The following STARD13 variants were observed in gnomAD, a reference collection of about 807,000 sequenced individuals.
STARD13 encodes the protein StAR related lipid transfer domain containing 13.
Under a neutral mutation model 106.4 loss-of-function variants are expected in STARD13, and 62 were observed. That is an observed-to-expected ratio of 0.58 (90% CI 0.48 to 0.72). The LOEUF is 0.72. Ranked by LOEUF, STARD13 falls within the 30% of genes least tolerant of loss-of-function variation. The pLI, the probability that STARD13 is intolerant of heterozygous loss-of-function variation, is 0.00. For missense variants in STARD13, 1,387 were observed against 1,424.0 expected (o/e 0.97, Z 0.42); for synonymous variants, 565 against 553.0 (o/e 1.02, Z -0.31).
At chr13:33,450,044 T>A in the STARD13 span, among the ~76,000 whole-genome samples, 1 of 152,160 alleles carries the variant, frequency 6.6e-6, no homozygotes, top group Non-Finnish European at 1.5e-5. Context: ...GACAGCTTGA[T>A]TTCTACTCTT....
At chr13:33,221,798 A>T (rs1888371038) in intron 1 of STARD13, among the ~76,000 whole-genome samples, 1 of 152,238 alleles carries the variant, frequency 6.6e-6, no homozygotes, top group African/African-American at 2.4e-5. Flanking sequence ...TACCCATCAG[A>T]TGAATGGATA....
chr13:33,110,365 C>G (rs1410444415), intron 11 of STARD13, among the ~76,000 whole-genome samples: 1 of 152,194 alleles, frequency 6.6e-6, no homozygotes, highest in African/African-American at 2.4e-5. Flanking sequence ...TGTAAATTAG[C>G]CTTCCTCCGA....
At chr13:33,376,209 G>A in the STARD13 span, among the ~76,000 whole-genome samples, 1 of 152,176 alleles carries the variant, frequency 6.6e-6, no homozygotes, top group Non-Finnish European at 1.5e-5. Context: ...CTGGTTTGTA[G>A]TGGGTAGAGA....
intron 1 of STARD13, among the ~76,000 whole-genome samples, chr13:33,313,486 C>T (rs766138044): frequency 2.0e-5 from 3 of 152,136 alleles, no homozygotes; most frequent in South Asian, 2.1e-4. Context: ...AGAGCATCTT[C>T]CCTTTTCTCC....
chr13:33,237,971 T>C (rs1013141601), intron 1 of STARD13, among the ~76,000 whole-genome samples: 11 of 152,244 alleles, frequency 7.2e-5, no homozygotes, highest in African/African-American at 2.7e-4. Context: ...AGAACACATC[T>C]TATGTAAACG....
the STARD13 span, among the ~76,000 whole-genome samples, chr13:33,434,352 C>CAAAAAAAAAAAAAAAAAAA: frequency 4.3e-5 from 3 of 70,320 alleles, no homozygotes; most frequent in South Asian, 5.8e-4. Flanking sequence ...GACTCTGTCT[C>CAAAAAAAAAAAAAAAAAAA]AAAAAAAAAA....
the STARD13 span, among the ~76,000 whole-genome samples, chr13:33,370,224 A>G: frequency 1.3e-5 from 2 of 152,192 alleles, no homozygotes; most frequent in Non-Finnish European, 2.9e-5. Flanking sequence ...TTTAAACTGA[A>G]TCTATTGTAA....
At position 33,106,818 on chromosome 13, in the gene STARD13, A is replaced by C. The variant is rs1304326470; in HGVS notation, c.3164T>G (p.Leu1055Trp). Residue 1055 changes from leucine (L) to tryptophan (W), a missense_variant, in exon 13 of 14, where the codon TTG becomes TGG. Transcript: ENST00000336934. ...CTTGCCAGAGCCACACGGTTCTATC[A>C]AGTACTGCGAGTCCATCACCACTGC... is the stretch of plus-strand genomic sequence containing the variant. ...VRAVVMDSQY[L>W]IEPCGSGKSR... 7 of 1,614,132 alleles carry C rather than the reference A, an allele frequency of 4.3e-6. No individual in the cohort carries two copies. The highest frequency in any genetic ancestry group is 5.9e-6 in the Non-Finnish European group (7 of 1,179,998).
the STARD13 span, among the ~76,000 whole-genome samples, chr13:33,400,109 T>C: frequency 3.1e-3 from 470 of 152,100 alleles, 6 homozygotes; most frequent in African/African-American, 0.01. Flanking sequence ...AAGTTTGCAC[T>C]CTTTGACTAA....
the STARD13 span, among the ~76,000 whole-genome samples, chr13:33,483,155 C>T: frequency 6.6e-6 from 1 of 152,134 alleles, no homozygotes; most frequent in African/African-American, 2.4e-5. Flanking sequence ...TCAACAAGAA[C>T]CTACCTAGAG....
chr13:33,339,525 T>A (rs2077935597), intron 1 of STARD13, among the ~76,000 whole-genome samples: 1 of 152,240 alleles, frequency 6.6e-6, no homozygotes, highest in Non-Finnish European at 1.5e-5. Flanking sequence ...ATGTATGATA[T>A]CCCAAATAGC....
At chr13:33,473,122 T>G in the STARD13 span, among the ~76,000 whole-genome samples, 1 of 152,160 alleles carries the variant, frequency 6.6e-6, no homozygotes, top group South Asian at 2.1e-4. Flanking sequence ...ATCAAGTGGG[T>G]GCATCCCATG....
the STARD13 span, among the ~76,000 whole-genome samples, chr13:33,381,948 T>C: frequency 6.6e-6 from 1 of 152,198 alleles, no homozygotes; most frequent in African/African-American, 2.4e-5. Context: ...CCTCTAGGGC[T>C]TGTCCTTTAA....
chr13:33,305,861 G>A (rs555411587), intron 1 of STARD13, among the ~76,000 whole-genome samples: 1 of 152,258 alleles, frequency 6.6e-6, no homozygotes, highest in African/African-American at 2.4e-5. Context: ...ACATAAAAAT[G>A]AGAATCTTCT....
chr13:33,508,404 G>A, the STARD13 span, among the ~76,000 whole-genome samples: 1 of 152,162 alleles, frequency 6.6e-6, no homozygotes, highest in East Asian at 1.9e-4. Flanking sequence ...TAGATAGTAG[G>A]GACAAGTGGA....
chr13:33,174,553 G>T (rs1297344887), intron 1 of STARD13, among the ~76,000 whole-genome samples: 1 of 152,184 alleles, frequency 6.6e-6, no homozygotes, highest in Non-Finnish European at 1.5e-5. Context: ...GAGGCTAAGA[G>T]ATATTCCTTC....
Position 33,254,006 on chromosome 13 carries a change from C to T in STARD13, c.169+31464G>A, listed in dbSNP as rs1478797829. On this transcript the variant is annotated intron_variant, in intron 1 of 13. Transcript: ENST00000336934. The stretch of plus-strand genomic sequence containing the variant: ...TATTAGTGCTGCAATTGAATATATG[C>T]ACTATTGGGATGCACAGTCTGACAC... Among the ~76,000 whole-genome samples the T allele has an allele frequency of 2.0e-5, 3 of 152,212 alleles. No individual in the cohort carries two copies. The East Asian group carries it at 5.8e-4, about 29-fold the overall frequency.
At chr13:33,323,590 A>G (rs904371453) in intron 1 of STARD13, among the ~76,000 whole-genome samples, 3 of 152,234 alleles carry the variant, frequency 2.0e-5, no homozygotes, top group Non-Finnish European at 4.4e-5. Flanking sequence ...GTAACGGTAC[A>G]TACATGGTAC....
chr13:33,660,502 C>T, the STARD13 span, among the ~76,000 whole-genome samples: 1 of 152,082 alleles, frequency 6.6e-6, no homozygotes, highest in African/African-American at 2.4e-5. Flanking sequence ...CAGTTGTTTC[C>T]TTTGATAGTA....
Sources: allele counts gnomAD v4.1 joint callset (sites outside exome capture counted in the v4.1 genomes callset), GRCh38; gene constraint gnomAD v4.1.1; transcripts MANE v1.5; gene names NCBI Gene and HGNC (gene_info 2026-07-23, HGNC 2026-07-21).